Variants in MIR17HG observed in about 807,000 individuals in gnomAD.
MIR17HG encodes miR-17-92a-1 cluster host gene.
chr13:91,349,018 G>T (rs1566342514), intron 1 of MIR17HG, among the ~76,000 whole-genome samples: 1 of 151,002 alleles, frequency 6.6e-6, no homozygotes, highest in South Asian at 2.1e-4. Context: ...CTGCCGCCGG[G>T]AAACGGGTTG....
exon 4 of MIR17HG, chr13:91,353,945 A>C (rs1875449045): frequency 6.5e-6 from 1 of 152,686 alleles, no homozygotes; most frequent in African/African-American, 2.4e-5. Flanking sequence ...AGACCTGTCT[A>C]ACTACAAGCC....
rs369639693 is a variant in MIR17HG, at chr13:91,348,973, G to A, written n.141-725G>A. On this transcript the variant is annotated intron_variant and non_coding_transcript_variant, in intron 1 of 3. Transcript: ENST00000400282. Reference sequence around the variant, plus strand: ...GGGGCGGCGCGCCCGCGTCCCCGCCGCACTCGGGCCTCGGCGCCGCCGGTC... The same window carrying A: ...GGGGCGGCGCGCCCGCGTCCCCGCCACACTCGGGCCTCGGCGCCGCCGGTC... 6.7e-5 allele frequency among the ~76,000 whole-genome samples: 10 copies of A among 149,978 alleles called. No individual in the cohort carries two copies. The East Asian group carries it at 1.4e-3, about 21-fold the overall frequency.
intron 1 of MIR17HG, among the ~76,000 whole-genome samples, chr13:91,349,096 G>A (rs1334243208): frequency 6.6e-6 from 1 of 151,950 alleles, no homozygotes; most frequent in Non-Finnish European, 1.5e-5. Context: ...GCGGAGAATC[G>A]CAGGGCCGCG....
At chr13:91,352,673 T>A (rs72640333) in intron 3 of MIR17HG, among the ~76,000 whole-genome samples, 12,129 of 152,170 alleles carry the variant, frequency 0.08, 1,048 homozygotes, top group African/African-American at 0.21. Context: ...ACATAAATTT[T>A]CAGGATGTGA....
At chr13:91,352,078 C>T (rs972095300) in intron 3 of MIR17HG, 1 of 152,232 alleles carries the variant, frequency 6.6e-6, no homozygotes, top group South Asian at 2.1e-4. Context: ...GTACACTCTT[C>T]CCAAATGCCA....
At chr13:91,348,295 G>A (rs1260002881) in intron 1 of MIR17HG, among the ~76,000 whole-genome samples, 1 of 150,582 alleles carries the variant, frequency 6.6e-6, no homozygotes, top group Non-Finnish European at 1.5e-5. Context: ...TGGCCCCTCG[G>A]GGAGAGGACG....
chr13:91,352,906 C>T (rs759795363), intron 3 of MIR17HG, among the ~76,000 whole-genome samples: 13 of 151,708 alleles, frequency 8.6e-5, no homozygotes, highest in Non-Finnish European at 1.6e-4. Context: ...GTCAGGAGTT[C>T]GAGACCAACC....
intron 3 of MIR17HG, among the ~76,000 whole-genome samples, chr13:91,353,271 A>G (rs1447295603): frequency 2.0e-5 from 3 of 152,206 alleles, no homozygotes; most frequent in African/African-American, 7.2e-5. Context: ...CTAAAATGTA[A>G]GTCAAATATG....
intron 1 of MIR17HG, among the ~76,000 whole-genome samples, chr13:91,348,402 C>T (rs1360999952): frequency 6.6e-6 from 1 of 150,550 alleles, no homozygotes; most frequent in East Asian, 2.0e-4. Context: ...TAAAGCGCCT[C>T]CAGAACAAAG....
At chr13:91,348,336 GGC>G in intron 1 of MIR17HG, among the ~76,000 whole-genome samples, 1 of 150,560 alleles carries the variant, frequency 6.6e-6, no homozygotes, top group African/African-American at 2.4e-5. Flanking sequence ...CGGGGCCCGG[GGC>G]GCGCGCGGGG....
At chr13:91,350,308 C>T in intron 3 of MIR17HG, 3 of 202,358 alleles carry the variant, frequency 1.5e-5, no homozygotes, top group Non-Finnish European at 2.1e-5. Context: ...TGTTTTTTTT[C>T]TCTATGTGTC....
intron 1 of MIR17HG, among the ~76,000 whole-genome samples, chr13:91,349,345 T>C (rs1594012443): frequency 1.3e-5 from 2 of 151,356 alleles, no homozygotes; most frequent in Middle Eastern, 3.5e-3. Context: ...GAGGTCTTGA[T>C]TGGGGGAGGG....
intron 1 of MIR17HG, among the ~76,000 whole-genome samples, chr13:91,348,297 G>T (rs1334429906): frequency 6.6e-6 from 1 of 150,806 alleles, no homozygotes; most frequent in East Asian, 2.0e-4. Context: ...GCCCCTCGGG[G>T]AGAGGACGTG....
At chr13:91,352,167 A>G (rs1875348438) in intron 3 of MIR17HG, 2 of 152,332 alleles carry the variant, frequency 1.3e-5, no homozygotes, top group East Asian at 1.9e-4. Context: ...CCTACTCCCT[A>G]CGTAAGCCAG....
In MIR17HG at chr13:91,350,346, G is replaced by A. The variant is rs1170027990; in HGVS notation, n.284+120G>A. ...TCCATTTGGGAGAGGCCAGCCATTG[G>A]AAGAGCCACCACTTCCAGTGCTAGT... On this transcript the variant is annotated intron_variant and non_coding_transcript_variant, in intron 3 of 3. Coordinates refer to ENST00000400282, the Ensembl canonical transcript of MIR17HG. The A allele has an allele frequency of 1.0e-5, 3 of 288,946 alleles. No homozygotes were observed. The East Asian group carries it at 2.6e-4, about 25-fold the overall frequency. The allele number at this position is 288,946 out of a possible 1,614,324, so 17.9% of individuals were successfully genotyped here. A position where few individuals can be genotyped will look rare whatever the true frequency, so the allele number is the denominator to read the frequency against.
intron 3 of MIR17HG, chr13:91,352,391 G>A (rs951764827): frequency 6.6e-6 from 1 of 152,146 alleles, no homozygotes; most frequent in Non-Finnish European, 1.5e-5. Flanking sequence ...TTGGGCCCAA[G>A]CTGAAGTACA....
At chr13:91,349,257 C>T (rs960616995) in intron 1 of MIR17HG, among the ~76,000 whole-genome samples, 3 of 152,182 alleles carry the variant, frequency 2.0e-5, no homozygotes, top group Non-Finnish European at 4.4e-5. Flanking sequence ...TGCAATATCA[C>T]CAAAAGAGAA....
At chr13:91,350,527 G>A (rs1875249720) in intron 3 of MIR17HG, 2 of 529,418 alleles carry the variant, frequency 3.8e-6, no homozygotes, top group African/African-American at 3.9e-5. Flanking sequence ...AGAGTTTGAG[G>A]TGTTAATTCT....
intron 1 of MIR17HG, among the ~76,000 whole-genome samples, chr13:91,348,804 G>T (rs1455069140): frequency 5.3e-5 from 8 of 150,212 alleles, no homozygotes; most frequent in Non-Finnish European, 7.4e-5. Context: ...GCTGCACGGG[G>T]GTGAGGGCGG....
Sources: allele counts gnomAD v4.1 joint callset (sites outside exome capture counted in the v4.1 genomes callset), GRCh38; gene constraint gnomAD v4.1.1; transcripts MANE v1.5; gene names NCBI Gene and HGNC (gene_info 2026-07-23, HGNC 2026-07-21).